GALNT13: variants seen among roughly 807,000 people sequenced by gnomAD.
The protein encoded by GALNT13 is UDP-GalNAc:polypeptide N-acetylgalactosaminyltransferase 13.
GALNT13 carries 28 observed loss-of-function variants against 64.2 expected under a neutral mutation model. That is an observed-to-expected ratio of 0.44 (90% CI 0.32 to 0.60). The LOEUF (loss-of-function observed/expected upper bound fraction) is 0.60. Ranked by LOEUF, GALNT13 falls within the 20% of genes least tolerant of loss-of-function variation. GALNT13 has a pLI of 0.05. For missense variants in GALNT13, 577 were observed against 669.8 expected, an observed-to-expected ratio of 0.86 and a Z score of 1.53; for synonymous variants, 214 against 224.6, an observed-to-expected ratio of 0.95 and a Z score of 0.42.
At chr2:154,282,923 T>C (rs1329403878) in intron 8 of GALNT13, among the ~76,000 whole-genome samples, 8 of 152,038 alleles carry the variant, frequency 5.3e-5, no homozygotes, top group African/African-American at 1.9e-4. Context: ...AGGTCAAGAG[T>C]CAACCAAACA....
At chr2:153,528,907 G>A in the GALNT13 span, among the ~76,000 whole-genome samples, 4 of 151,634 alleles carry the variant, frequency 2.6e-5, no homozygotes, top group South Asian at 4.2e-4. Flanking sequence ...CACCAATTAC[G>A]GGATACAGCA....
chr2:153,682,918 G>T, the GALNT13 span, among the ~76,000 whole-genome samples: 6 of 151,662 alleles, frequency 4.0e-5, no homozygotes, highest in Admixed American at 4.0e-4. Context: ...CTTTCTGGAT[G>T]CTAAATGGAT....
the GALNT13 span, among the ~76,000 whole-genome samples, chr2:153,741,250 A>G: frequency 2.0e-4 from 31 of 151,958 alleles, no homozygotes; most frequent in East Asian, 3.9e-3. Context: ...TTTCTATCCA[A>G]TGTACTTTTC....
chr2:154,175,806 G>T (rs191820679), intron 4 of GALNT13, among the ~76,000 whole-genome samples: 2 of 152,080 alleles, frequency 1.3e-5, no homozygotes, highest in Non-Finnish European at 2.9e-5. Context: ...AAGCATACAT[G>T]ATAATCCCAG....
chr2:153,899,933 A>AT (rs1291457023), intron 1 of GALNT13, among the ~76,000 whole-genome samples: 4,309 of 86,060 alleles, frequency 0.05, 117 homozygotes, highest in Non-Finnish European at 0.077. Flanking sequence ...ATATATATAT[A>AT]TATTTTTTTT....
chr2:154,374,440 T>C (rs1043738090), intron 9 of GALNT13, among the ~76,000 whole-genome samples: 1 of 152,164 alleles, frequency 6.6e-6, no homozygotes, highest in Non-Finnish European at 1.5e-5. Flanking sequence ...GGAAAACCGA[T>C]GAGCTGTTGG....
chr2:153,728,479 G>T, the GALNT13 span, among the ~76,000 whole-genome samples: 1 of 152,132 alleles, frequency 6.6e-6, no homozygotes, highest in Non-Finnish European at 1.5e-5. Flanking sequence ...AGAATCTCTG[G>T]AACACAGCAA....
chr2:154,243,148 A>G (rs533647539), intron 6 of GALNT13, among the ~76,000 whole-genome samples: 13 of 152,352 alleles, frequency 8.5e-5, no homozygotes, highest in Non-Finnish European at 1.8e-4. Context: ...ATTACTTTTT[A>G]GGTGAAGGAA....
At chr2:153,156,831 A>T in the GALNT13 span, among the ~76,000 whole-genome samples, 3 of 152,160 alleles carry the variant, frequency 2.0e-5, no homozygotes, top group South Asian at 6.2e-4. Flanking sequence ...GCATGGAGGT[A>T]AAGACTTTTC....
At chr2:154,424,947 A>G (rs1182936754) in intron 11 of GALNT13, among the ~76,000 whole-genome samples, 1 of 152,210 alleles carries the variant, frequency 6.6e-6, no homozygotes, top group Non-Finnish European at 1.5e-5. Context: ...TTAAACTTGA[A>G]GCCATCTAGA....
chr2:153,905,426 C>A (rs1688495195), intron 2 of GALNT13, among the ~76,000 whole-genome samples: 1 of 151,836 alleles, frequency 6.6e-6, no homozygotes, highest in Admixed American at 6.6e-5. Flanking sequence ...AACTTAGGCA[C>A]AGGAAGAAAT....
At chr2:154,381,809 C>A (rs1164156141) in intron 9 of GALNT13, among the ~76,000 whole-genome samples, 7 of 152,086 alleles carry the variant, frequency 4.6e-5, no homozygotes, top group Admixed American at 3.9e-4. Flanking sequence ...TTAATAGTTA[C>A]ATTTTTATTG....
At chr2:153,167,636 A>C in the GALNT13 span, among the ~76,000 whole-genome samples, 1 of 152,274 alleles carries the variant, frequency 6.6e-6, no homozygotes, top group African/African-American at 2.4e-5. Flanking sequence ...TGTGTCTTCC[A>C]GAAACAATCT....
At chr2:153,681,797 A>G in the GALNT13 span, among the ~76,000 whole-genome samples, 1 of 151,852 alleles carries the variant, frequency 6.6e-6, no homozygotes, top group Non-Finnish European at 1.5e-5. Context: ...GATTTAAAAC[A>G]TAAGCACCAA....
chr2:153,553,613 A>T, the GALNT13 span, among the ~76,000 whole-genome samples: 3 of 152,232 alleles, frequency 2.0e-5, no homozygotes, highest in Admixed American at 2.0e-4. Context: ...CCAAGAAAGA[A>T]TATTCCTATG....
chr2:153,518,074 A>G, the GALNT13 span, among the ~76,000 whole-genome samples: 1 of 152,166 alleles, frequency 6.6e-6, no homozygotes, highest in African/African-American at 2.4e-5. Flanking sequence ...CAGGACAGTC[A>G]CACATTTTCT....
chr2:153,677,898 C>T, the GALNT13 span, among the ~76,000 whole-genome samples: 1 of 151,946 alleles, frequency 6.6e-6, no homozygotes, highest in African/African-American at 2.4e-5. Context: ...GTATTAAAGC[C>T]TTAAACATAA....
At chr2:153,427,959 G>T in the GALNT13 span, among the ~76,000 whole-genome samples, 1 of 152,084 alleles carries the variant, frequency 6.6e-6, no homozygotes, top group Non-Finnish European at 1.5e-5. Context: ...GAATAAATAA[G>T]TTTGTTTATA....
intron 3 of GALNT13, among the ~76,000 whole-genome samples, chr2:154,062,918 C>T (rs891822849): frequency 3.3e-5 from 5 of 150,846 alleles, no homozygotes; most frequent in Non-Finnish European, 5.9e-5. Context: ...GAATTGCTTT[C>T]GTCATAATTT....
Sources: gnomAD v4.1 joint callset for allele counts (sites outside exome capture counted in the v4.1 genomes callset) on GRCh38, gnomAD v4.1.1 for gene constraint, MANE v1.5 for transcripts, NCBI Gene and HGNC (gene_info 2026-07-23, HGNC 2026-07-21) for gene names.